Variants in PDE3B observed in about 807,000 individuals in gnomAD.
PDE3B encodes the protein cGMP-inhibited 3',5'-cyclic phosphodiesterase 3B.
In PDE3B, 66 loss-of-function variants were observed where a neutral mutation model predicts 116.8. The ratio of observed to expected loss-of-function variants is 0.56; its 90% CI spans 0.46 to 0.69. The LOEUF is 0.69. Among genes scored for constraint, PDE3B ranks in the 30% least tolerant of loss-of-function variants. The pLI, the probability that PDE3B is intolerant of heterozygous loss-of-function variation, is 0.00. For missense variants in PDE3B, 1,384 were observed against 1,368.1 expected (o/e 1.01, Z -0.18); for synonymous variants, 595 against 533.6 (o/e 1.12, Z -1.59).
At position 14,644,436 on chromosome 11, in the gene PDE3B, C is replaced by A. The variant is rs543177469; in HGVS notation, c.361C>A (p.Pro121Thr). 3 of 1,612,938 alleles carry A rather than the reference C, an allele frequency of 1.9e-6. No homozygotes were observed. Among genetic ancestry groups the A allele is most frequent in the Non-Finnish European group, 2.5e-6 (3 of 1,179,608 alleles). The change falls in exon 1 of 16, where the codon CCC (proline) becomes ACC (threonine). Residue 121 changes from proline to threonine, a missense_variant. Around this residue, in one of 2 missense-constraint regions of PDE3B, gnomAD observed 956 missense variants for 806.8 expected, o/e 1.18. Coordinates refer to ENST00000282096, the MANE Select transcript of PDE3B (RefSeq NM_000922.4). Reference sequence around the variant, plus strand: ...GAGCGTGTGTTCGCACAGCTTGAGCCCCCTCTTCAGCATCGCCTGTGCCTT... The same window carrying A: ...GAGCGTGTGTTCGCACAGCTTGAGCACCCTCTTCAGCATCGCCTGTGCCTT... Reference protein sequence around the residue: ...LLSVCSHSLSPLFSIACAFFF... With the variant: ...LLSVCSHSLSTLFSIACAFFF...
chr11:14,850,366 T>A lies in PDE3B; in HGVS notation c.2520+6340T>A, dbSNP rs966526861. Reference sequence around the variant, plus strand: ...GGTGGGGGAAGGGGGGAGGGATAGCTTTAGGAGATATACCTAATGCTAAAT... The same window carrying A: ...GGTGGGGGAAGGGGGGAGGGATAGCATTAGGAGATATACCTAATGCTAAAT... On this transcript the variant is annotated intron_variant, in intron 12 of 15. Coordinates refer to ENST00000282096, the MANE Select transcript of PDE3B (RefSeq NM_000922.4). Among the ~76,000 whole-genome samples, 5 of 152,142 alleles carry A rather than the reference T, an allele frequency of 3.3e-5. No individual in the cohort carries two copies. In the South Asian group the frequency reaches 8.3e-4, roughly 25 times the overall value.
In PDE3B at chr11:14,796,288, C is replaced by T. The variant is rs112746613; in HGVS notation, c.1415+7046C>T. ...TCCAGTCTATCATTGATGGACACTT[C>T]GGTTGGTTCCAAGTCATTGCTATTG... is the stretch of plus-strand genomic sequence containing the variant. On this transcript the variant is annotated intron_variant, in intron 4 of 15. Transcript: ENST00000282096. 5.8e-3 allele frequency among the ~76,000 whole-genome samples: 882 copies of T among 152,200 alleles called. 11 individuals carry two copies. Among genetic ancestry groups the T allele is most frequent in the African/African-American group, 0.021 (857 of 41,532 alleles).
At chr11:14,832,575 T>C in intron 9 of PDE3B, 147 bp from the exon 10 acceptor site, 1 of 395,648 alleles carries the variant, frequency 2.5e-6, no homozygotes. Context: ...TTGAAAGAAT[T>C]AATTGTAGGC....
At chr11:14,855,675 G>A (rs1378249867) in intron 12 of PDE3B, among the ~76,000 whole-genome samples, 1 of 152,016 alleles carries the variant, frequency 6.6e-6, no homozygotes. Context: ...CAGAGACAGA[G>A]CAAGAGAAAG....
the PDE3B span, chr11:14,878,394 TAAAC>T: frequency 8.3e-7 from 1 of 1,201,856 alleles, no homozygotes; most frequent in Non-Finnish European, 1.2e-6. Context: ...ATCTGGAATT[TAAAC>T]AAAGAAAGAG....
chr11:14,872,674 T>A (rs1868997), downstream of PDE3B, among the ~76,000 whole-genome samples: 1 of 152,116 alleles, frequency 6.6e-6, no homozygotes, highest in South Asian at 2.1e-4. Context: ...CCTTGTTATA[T>A]GTGGGGGATT....
At chr11:14,656,546 T>G (rs1853721325) in intron 1 of PDE3B, among the ~76,000 whole-genome samples, 1 of 152,308 alleles carries the variant, frequency 6.6e-6, no homozygotes, top group African/African-American at 2.4e-5. Context: ...GCTAGACTGC[T>G]TGAGTTTAAA....
chr11:14,873,292 G>C (rs1555009320), downstream of PDE3B, among the ~76,000 whole-genome samples: 1 of 152,162 alleles, frequency 6.6e-6, no homozygotes. Context: ...TAGAATGAAA[G>C]TTACCTGATA....
At chr11:14,812,777 C>T (rs1859188011) in intron 5 of PDE3B, among the ~76,000 whole-genome samples, 1 of 151,406 alleles carries the variant, frequency 6.6e-6, no homozygotes, top group Non-Finnish European at 1.5e-5. Flanking sequence ...AGGTTATATC[C>T]AATGCCTTAG....
intron 1 of PDE3B, among the ~76,000 whole-genome samples, chr11:14,707,520 C>G (rs1855568531): frequency 6.6e-6 from 1 of 151,890 alleles, no homozygotes; most frequent in Non-Finnish European, 1.5e-5. Flanking sequence ...TTTTAGGAAA[C>G]AGGCAAAATA....
intron 5 of PDE3B, among the ~76,000 whole-genome samples, chr11:14,808,293 G>T (rs537365829): frequency 2.7e-4 from 41 of 152,220 alleles, no homozygotes; most frequent in African/African-American, 9.9e-4. Flanking sequence ...CACAAAGCCA[G>T]CAACATAATA....
intron 1 of PDE3B, among the ~76,000 whole-genome samples, chr11:14,770,106 G>A (rs751093027): frequency 1.3e-5 from 2 of 151,320 alleles, no homozygotes; most frequent in Non-Finnish European, 3.0e-5. Context: ...TGGGAAAAGT[G>A]TAGAAATGTG....
At chr11:14,899,149 T>C in the PDE3B span, among the ~76,000 whole-genome samples, 1 of 152,080 alleles carries the variant, frequency 6.6e-6, no homozygotes, top group African/African-American at 2.4e-5. Context: ...GCTGGATCAA[T>C]GATTACCTCA....
At chr11:14,682,801 C>T (rs192129845) in intron 1 of PDE3B, among the ~76,000 whole-genome samples, 1 of 150,216 alleles carries the variant, frequency 6.7e-6, no homozygotes. Flanking sequence ...TTTTTTAATA[C>T]CTTTTTTGGT....
chr11:14,696,521 T>G (rs1855212619), intron 1 of PDE3B, among the ~76,000 whole-genome samples: 1 of 152,260 alleles, frequency 6.6e-6, no homozygotes, highest in South Asian at 2.1e-4. Context: ...TCATTTTAAT[T>G]TGCATTTCTA....
chr11:14,844,478 G>C (rs1014785895), intron 12 of PDE3B, among the ~76,000 whole-genome samples: 1 of 152,226 alleles, frequency 6.6e-6, no homozygotes. Context: ...GTGCCAGACA[G>C]TGGGCACAGG....
At chr11:14,693,836 A>G (rs1013992387) in intron 1 of PDE3B, among the ~76,000 whole-genome samples, 7 of 152,198 alleles carry the variant, frequency 4.6e-5, no homozygotes, top group African/African-American at 1.2e-4. Context: ...TTATTTCAGA[A>G]TTACATCTTA....
In PDE3B at chr11:14,676,518, C is replaced by G. The variant is rs570147017; in HGVS notation, c.978+31465C>G. 1.2e-3 allele frequency among the ~76,000 whole-genome samples: 182 copies of G among 152,198 alleles called. 2 individuals carry two copies. The highest frequency in any genetic ancestry group is 6.6e-4 in the Non-Finnish European group (45 of 67,996). ...GGGCACTTACCATGAATGGAGCTTG[C>G]AGGACTGGAAATTGCATTTGGTAAG... On this transcript the variant is annotated intron_variant, in intron 1 of 15. Transcript: ENST00000282096.
chr11:14,677,114 G>A (rs1854553377), intron 1 of PDE3B, among the ~76,000 whole-genome samples: 1 of 152,068 alleles, frequency 6.6e-6, no homozygotes, highest in Non-Finnish European at 1.5e-5. Context: ...CATATAGGAA[G>A]CTAGCCTTAG....
Sources: gnomAD v4.1 joint callset for allele counts (sites outside exome capture counted in the v4.1 genomes callset) on GRCh38, gnomAD v4.1.1 for gene constraint, gnomAD v4.1.1 regional missense constraint, MANE v1.5 for transcripts, NCBI Gene and HGNC (gene_info 2026-07-23, HGNC 2026-07-21) for gene names.